The following TENM4 variants were observed in gnomAD, a reference collection of about 807,000 sequenced individuals.
TENM4 encodes the protein teneurin-4.
TENM4 carries 82 observed loss-of-function variants against 243.3 expected under a neutral mutation model. The observed-to-expected ratio is 0.34, with a 90% confidence interval of 0.28 to 0.40. TENM4 has a LOEUF of 0.40. Among genes scored for constraint, TENM4 ranks in the 10% least tolerant of loss-of-function variants. The probability of loss-of-function intolerance (pLI) is 1.00; values close to 1 mark genes in which losing one functional copy is unlikely to be tolerated. For synonymous variants in TENM4, 1,412 were observed against 1,456.3 expected (o/e 0.97, Z 0.69); for missense variants, 3,138 against 3,673.3 (o/e 0.85, Z 3.77).
chr11:78,665,731 TTGTAA>T (rs1858141077), intron 32 of TENM4, among the ~76,000 whole-genome samples: 2 of 152,342 alleles, frequency 1.3e-5, no homozygotes, highest in Middle Eastern at 3.4e-3. Context: ...CTTTTCTCCT[TTGTAA>T]ATGGGGTCAG....
chr11:78,744,391 C>T (rs1008570249), intron 19 of TENM4, among the ~76,000 whole-genome samples: 1 of 152,210 alleles, frequency 6.6e-6, no homozygotes, highest in Non-Finnish European at 1.5e-5. Context: ...GTCAGAAGAA[C>T]CCTTCCTGAT....
At position 78,960,786 on chromosome 11, in the gene TENM4, C is replaced by T. The variant is rs186059063; in HGVS notation, c.494-57263G>A. Among the ~76,000 whole-genome samples the T allele has an allele frequency of 8.5e-5, 13 of 152,254 alleles. No homozygotes were observed. The East Asian group carries it at 2.5e-3, about 29-fold the overall frequency. Reference sequence around the variant, plus strand: ...ACCTTCGGCTATAATGATGTACTCCCAAGAGAAAAGATGGCATCTGACATT... The same window carrying T: ...ACCTTCGGCTATAATGATGTACTCCTAAGAGAAAAGATGGCATCTGACATT... On this transcript the variant is annotated intron_variant, in intron 6 of 33. Coordinates refer to ENST00000278550, the MANE Select transcript of TENM4 (RefSeq NM_001098816.3).
chr11:78,670,281 C>T lies in TENM4; in HGVS notation c.6064G>A (p.Glu2022Lys). Residue 2022 changes from glutamate (E) to lysine (K), a missense_variant, in exon 32 of 34, where the codon GAG becomes AAG. Glu to Lys is a moderately conservative substitution (Grantham distance 56). Coordinates refer to ENST00000278550, the MANE Select transcript of TENM4 (RefSeq NM_001098816.3). ...ACCTTGGTGGTGTCATAGAGCGTCT[C>T]TGCCAGCTTTGACAGTTTGCCATAC... ...YKYGKLSKLA[E>K]TLYDTTKVSF... 6.2e-7 allele frequency: 1 copy of T among 1,613,970 alleles called. No homozygotes were observed. Among genetic ancestry groups the T allele is most frequent in the Non-Finnish European group, 8.5e-7 (1 of 1,179,886 alleles).
intron 1 of TENM4, among the ~76,000 whole-genome samples, chr11:79,343,867 T>C (rs1362302754): frequency 6.6e-6 from 1 of 152,196 alleles, no homozygotes; most frequent in African/African-American, 2.4e-5. Flanking sequence ...CATGCCTGGG[T>C]CTGCAGGAGC....
intron 4 of TENM4, among the ~76,000 whole-genome samples, chr11:79,109,613 C>CCT (rs1861458544): frequency 6.6e-6 from 1 of 152,166 alleles, no homozygotes; most frequent in Non-Finnish European, 1.5e-5. Context: ...CTGGAGAACC[C>CCT]CTCTAAGCTT....
At chr11:78,976,291 C>T (rs1857653356) in intron 6 of TENM4, among the ~76,000 whole-genome samples, 1 of 151,928 alleles carries the variant, frequency 6.6e-6, no homozygotes, top group Non-Finnish European at 1.5e-5. Context: ...TTCGTGTAAC[C>T]AATGAACCAG....
intron 1 of TENM4, among the ~76,000 whole-genome samples, chr11:79,388,032 A>G (rs1858153777): frequency 6.6e-6 from 1 of 152,222 alleles, no homozygotes; most frequent in Non-Finnish European, 1.5e-5. Flanking sequence ...AACTTGAATA[A>G]ACAGAAGATG....
chr11:78,670,061 T>C lies in TENM4; in HGVS notation c.6284A>G (p.Gln2095Arg). ...CAGTGGGGTCTCGTTGATCACAGCC[T>C]GCATGCTGGTCACCCGGAAGCTGTT... is the stretch of plus-strand genomic sequence containing the variant. ...YDNSFRVTSM[Q>R]AVINETPLPI... The change falls in exon 32 of 34, where the codon CAG becomes CGG. Residue 2095 changes from glutamine to arginine, a missense_variant. Gln to Arg is a conservative substitution (Grantham distance 43). This residue lies in a region of TENM4 where 2,467 missense variants were observed against 3,059.1 expected (regional missense o/e 0.81). Coordinates refer to ENST00000278550, the MANE Select transcript of TENM4 (RefSeq NM_001098816.3). 6.2e-7 allele frequency: 1 copy of C among 1,613,988 alleles called. No individual in the cohort carries two copies. The highest frequency in any genetic ancestry group is 8.5e-7 in the Non-Finnish European group (1 of 1,179,886).
At chr11:78,903,782 A>G (rs1565118849) in intron 6 of TENM4, 1 of 702,902 alleles carries the variant, frequency 1.4e-6, no homozygotes, top group East Asian at 2.7e-5. Flanking sequence ...TGAAACAATA[A>G]ACAACATAAA....
At position 79,025,019 on chromosome 11, in the gene TENM4, G is replaced by A. The variant is rs188632999; in HGVS notation, c.493+39719C>T. Among the ~76,000 whole-genome samples, 8 of 152,266 alleles carry A rather than the reference G, an allele frequency of 5.3e-5. No homozygotes were observed. The East Asian group carries it at 1.4e-3, about 26-fold the overall frequency. ...AGCAACATCCCTTGAAAAACCTGCC[G>A]GAGGCAGCATTTTGAGAATTGGCAT... is the stretch of plus-strand genomic sequence containing the variant. On this transcript the variant is annotated intron_variant, in intron 6 of 33. Transcript: ENST00000278550.
intron 7 of TENM4, among the ~76,000 whole-genome samples, chr11:78,896,122 C>T (rs146115970): frequency 1.2e-3 from 184 of 152,310 alleles, no homozygotes; most frequent in Middle Eastern, 3.4e-3. Context: ...TCCTCAGGAC[C>T]GCCCTGATCA....
intron 16 of TENM4, 47 bp downstream of exon 16, chr11:78,786,851 T>C (rs1206500312): frequency 1.3e-6 from 2 of 1,566,200 alleles, no homozygotes; most frequent in Non-Finnish European, 1.7e-6. Context: ...CAGACAAAGA[T>C]GTCCTGCAGA....
chr11:79,309,572 G>T (rs1375681000), intron 1 of TENM4, among the ~76,000 whole-genome samples: 2 of 152,190 alleles, frequency 1.3e-5, no homozygotes, highest in Non-Finnish European at 2.9e-5. Context: ...TGTACTGTAG[G>T]CAATTCTAAC....
chr11:79,282,455 A>G (rs1856173555), intron 2 of TENM4, among the ~76,000 whole-genome samples: 1 of 152,238 alleles, frequency 6.6e-6, no homozygotes, highest in South Asian at 2.1e-4. Flanking sequence ...AGACATGTTC[A>G]GGGACTCACA....
At chr11:78,963,395 A>G (rs533845182) in intron 6 of TENM4, among the ~76,000 whole-genome samples, 3 of 152,362 alleles carry the variant, frequency 2.0e-5, no homozygotes, top group Admixed American at 2.0e-4. Flanking sequence ...ATCGTCTATA[A>G]GAGAGCTAAC....
intron 6 of TENM4, among the ~76,000 whole-genome samples, chr11:79,037,232 C>T (rs2136884097): frequency 6.6e-6 from 1 of 152,278 alleles, no homozygotes; most frequent in Admixed American, 6.5e-5. Flanking sequence ...CTTTAGGAGG[C>T]TCTCTTGCTG....
At chr11:78,722,573 C>T in intron 24 of TENM4, 95 bp downstream of exon 24, 1 of 1,507,982 alleles carries the variant, frequency 6.6e-7, no homozygotes, top group Non-Finnish European at 8.9e-7. Context: ...TCTGTCCTAT[C>T]CCACTTCCCT....
chr11:78,877,526 T>C (rs985236158), intron 9 of TENM4, among the ~76,000 whole-genome samples: 1 of 152,110 alleles, frequency 6.6e-6, no homozygotes, highest in Non-Finnish European at 1.5e-5. Context: ...AGGCTAAAAA[T>C]CTATAAAATC....
intron 4 of TENM4, among the ~76,000 whole-genome samples, chr11:79,087,055 C>T (rs756297439): frequency 3.3e-5 from 5 of 151,970 alleles, no homozygotes; most frequent in Non-Finnish European, 5.9e-5. Context: ...CTCTCTTGTT[C>T]GGCATAAAAC....
Sources: gnomAD v4.1 joint callset for allele counts (sites outside exome capture counted in the v4.1 genomes callset) on GRCh38, gnomAD v4.1.1 for gene constraint, gnomAD v4.1.1 regional missense constraint, MANE v1.5 for transcripts, NCBI Gene and HGNC (gene_info 2026-07-23, HGNC 2026-07-21) for gene names.